RNF31: variants seen among roughly 807,000 people sequenced by gnomAD.
RNF31 encodes ring finger protein 31, also known as E3 ubiquitin-protein ligase RNF31.
RNF31 carries 38 observed loss-of-function variants against 133.6 expected under a neutral mutation model. The ratio of observed to expected loss-of-function variants is 0.28; its 90% confidence interval spans 0.22 to 0.37. The LOEUF (loss-of-function observed/expected upper bound fraction) is 0.37, where lower values mean the gene tolerates loss of function less well. Ranked by LOEUF, RNF31 falls within the 10% of genes least tolerant of loss-of-function variation. RNF31 has a pLI of 1.00. For synonymous variants in RNF31, 582 were observed against 552.3 expected (o/e 1.05, Z -0.75); for missense variants, 1,118 against 1,394.1 (o/e 0.80, Z 3.15).
At chr14:24,156,586 C>T (rs561233500) in intron 14 of RNF31, among the ~76,000 whole-genome samples, 158 of 152,216 alleles carry the variant, frequency 1.0e-3, no homozygotes, top group Non-Finnish European at 1.9e-3. Flanking sequence ...TCAAGACCAG[C>T]CTCCCAATAT....
intron 14 of RNF31, among the ~76,000 whole-genome samples, chr14:24,156,339 C>T (rs1050076691): frequency 6.6e-5 from 10 of 152,300 alleles, no homozygotes; most frequent in Middle Eastern, 3.4e-3. Flanking sequence ...AGACAACTCA[C>T]TGTCACCCAG....
At chr14:24,157,116 G>A (rs1314669207) in intron 14 of RNF31, among the ~76,000 whole-genome samples, 174 bp from the exon 15 acceptor site, 1 of 152,208 alleles carries the variant, frequency 6.6e-6, no homozygotes, top group Non-Finnish European at 1.5e-5. Context: ...GTGTGAGGTG[G>A]TAGGAGAAAA....
chr14:24,157,714 A>C, intron 16 of RNF31, 76 bp downstream of exon 16: 1 of 1,330,086 alleles, frequency 7.5e-7, no homozygotes, highest in Non-Finnish European at 1.1e-6. Flanking sequence ...GCTATTGAGG[A>C]GTGGCCCCGG....
In RNF31 at chr14:24,147,807, C is replaced by T. The variant is rs1594372910; in HGVS notation, c.109C>T (p.Leu37=). ...QAFSLEQLRP[L]LASSLPLAAR... The stretch of plus-strand genomic sequence containing the variant: ...GTTTTCCCTGGAGCAGCTCCGGCCG[C>T]TACTAGCCAGCTCTCTGCCGCTAGC... The change falls in exon 1 of 21, where the codon CTA becomes TTA. Residue 37 remains leucine, a synonymous_variant. Transcript: ENST00000324103. 2.5e-6 allele frequency: 4 copies of T among 1,602,210 alleles called. No individual in the cohort carries two copies. Among genetic ancestry groups the T allele is most frequent in the Middle Eastern group, 1.7e-4 (1 of 5,988 alleles).
Position 24,151,327 on chromosome 14 carries a change from A to G in RNF31, c.1685A>G (p.His562Arg). 6.2e-7 allele frequency: 1 copy of G among 1,614,212 alleles called. No homozygotes were observed. Among genetic ancestry groups the G allele is most frequent in the Non-Finnish European group, 8.5e-7 (1 of 1,180,036 alleles). The change falls in exon 9 of 21, where the codon CAT becomes CGT. Residue 562 changes from histidine to arginine, a missense_variant. His to Arg is a conservative substitution (Grantham distance 29, BLOSUM62 0). Around this residue, in one of 3 missense-constraint regions of RNF31, gnomAD observed 747 missense variants for 827.9 expected, o/e 0.90. Transcript: ENST00000324103. The surrounding 1 kb of genome is among the most constrained non-coding windows in gnomAD (Gnocchi z 5.3). ...QEARRAWLDR[H>R]GNLDEAVEEC... ...GCCCGGAGAGCCTGGCTGGATCGTC[A>G]TGGCAACCTTGATGAAGCTGTGGAG... is the stretch of plus-strand genomic sequence containing the variant.
At chr14:24,147,424 C>G, upstream of RNF31, 1 of 329,370 alleles carries the variant, frequency 3.0e-6, no homozygotes. Context: ...CCCCTGGTTT[C>G]CTGACACCGC....
In RNF31 at chr14:24,155,368, T is replaced by C. The variant is rs774681921; in HGVS notation, c.2304+38T>C. ...CTCTAGGACTCAGGTACCCTGAGCTTTGAACAGGGACCCTCCCACCCACCA... is the reference window on the plus strand; with the variant it reads ...CTCTAGGACTCAGGTACCCTGAGCTCTGAACAGGGACCCTCCCACCCACCA... On this transcript the variant is annotated intron_variant, in intron 12 of 20. Transcript: ENST00000324103. This position sits in a 1 kb window ranked among gnomAD's most constrained non-coding sequence, Gnocchi z 4.9. 2 of 1,613,984 alleles carry C rather than the reference T, an allele frequency of 1.2e-6. No homozygotes were observed. Among genetic ancestry groups the C allele is most frequent in the Admixed American group, 1.7e-5 (1 of 60,022 alleles).
At chr14:24,154,234 T>C (rs565437850) in intron 11 of RNF31, among the ~76,000 whole-genome samples, 6 of 152,268 alleles carry the variant, frequency 3.9e-5, no homozygotes, top group African/African-American at 1.4e-4. Context: ...CTCGGCTCAC[T>C]GCAGCCTCCG....
Position 24,149,523 on chromosome 14 carries a change from G to C in RNF31, c.749G>C (p.Arg250Pro). The change falls in exon 6 of 21, where the codon CGT becomes CCT. Residue 250 changes from arginine to proline, a missense_variant. Arg to Pro is a moderately radical substitution (Grantham distance 103). Transcript: ENST00000324103. ...CACCTGTTCCATGGACACCCATCCC[G>C]TGCTCATCACCTCCGCCAGACCCTG... ...CDHLFHGHPS[R>P]AHHLRQTLPG... is the part of the protein sequence containing the mutation. The C allele has an allele frequency of 6.2e-7, 1 of 1,613,978 alleles. No individual in the cohort carries two copies. Among genetic ancestry groups the C allele is most frequent in the Non-Finnish European group, 8.5e-7 (1 of 1,179,990 alleles).
Position 24,155,186 on chromosome 14 carries a change from C to T in RNF31, c.2160C>T (p.Thr720=). The change falls in exon 12 of 21, where the codon ACC becomes ACT. Residue 720 remains threonine, a synonymous_variant. Transcript: ENST00000324103. This position sits in a 1 kb window ranked among gnomAD's most constrained non-coding sequence, Gnocchi z 4.9. ...AGGCCCTGACTTCCTGTGAGTGCACCATCTGTCCTGACTGCTTCCGCCAGC... is the reference window on the plus strand; with the variant it reads ...AGGCCCTGACTTCCTGTGAGTGCACTATCTGTCCTGACTGCTTCCGCCAGC... ...RMQALTSCEC[T]ICPDCFRQHF... 1 of 1,614,116 alleles carries T rather than the reference C, an allele frequency of 6.2e-7. No individual in the cohort carries two copies.
chr14:24,152,009 G>A lies in RNF31; in HGVS notation c.2130+17G>A, dbSNP rs74398461. 16,776 of 1,610,724 alleles carry A rather than the reference G, an allele frequency of 0.01. 1,396 individuals carry two copies. The African/African-American group carries it at 0.19, about 18-fold the overall frequency. On this transcript the variant is annotated intron_variant, in intron 11 of 20. Transcript: ENST00000324103. ...CACAACCGGGTAAGTCCCTCCCCACGATACCTGGTCCAAGAATTACTCTAT... is the reference window on the plus strand; with the variant it reads ...CACAACCGGGTAAGTCCCTCCCCACAATACCTGGTCCAAGAATTACTCTAT...
At chr14:24,158,889 C>T (rs34215274) in intron 18 of RNF31, among the ~76,000 whole-genome samples, 8,734 of 151,408 alleles carry the variant, frequency 0.058, 678 homozygotes, top group Admixed American at 0.21. Flanking sequence ...AAAAATTAGC[C>T]GGGCGTGGTG....
rs750364681 is a variant in RNF31, at chr14:24,151,231, A to T, written c.1589A>T (p.Tyr530Phe). 6.2e-7 allele frequency: 1 copy of T among 1,613,986 alleles called. No individual in the cohort carries two copies. The highest frequency in any genetic ancestry group is 8.5e-7 in the Non-Finnish European group (1 of 1,180,034). Residue 530 changes from tyrosine to phenylalanine, a missense_variant, in exon 9 of 21, where the codon TAC (tyrosine) becomes TTC (phenylalanine). Physicochemically the swap from Tyr to Phe is conservative, Grantham distance 22. This residue lies in a region of RNF31 where 747 missense variants were observed against 827.9 expected (regional missense o/e 0.90). Transcript: ENST00000324103. The surrounding 1 kb of genome is among the most constrained non-coding windows in gnomAD (Gnocchi z 5.3). ...CAGTGGTTGCGCTCAGAACTGCCCT[A>T]CGTCCTGGAGATGGTGGCTGAGCTG... is the stretch of plus-strand genomic sequence containing the variant. ...PLQWLRSELP[Y>F]VLEMVAELAG...
Position 24,151,143 on chromosome 14 carries a change from G to A in RNF31, c.1501G>A (p.Ala501Thr), listed in dbSNP as rs370934256. The A allele has an allele frequency of 1.6e-5, 26 of 1,613,712 alleles. No individual in the cohort carries two copies. Among genetic ancestry groups the A allele is most frequent in the Non-Finnish European group, 1.9e-5 (23 of 1,179,924 alleles). ...GACTGTGCCTTAGGAAGGGGAAGCC[G>A]CAGGTGCCTGTCCAGAGGAGATCTT... ...LVSMIREGEA[A>T]GACPEEIFSA... is the part of the protein sequence containing the mutation. The change falls in exon 9 of 21, where the codon GCA becomes ACA. Residue 501 changes from alanine (A) to threonine (T), a missense_variant. Transcript: ENST00000324103. The surrounding 1 kb of genome is among the most constrained non-coding windows in gnomAD (Gnocchi z 5.3).
chr14:24,155,760 G>GA lies in RNF31; in HGVS notation c.2493+69dup. 1 of 1,431,522 alleles carries GA rather than the reference G, an allele frequency of 7.0e-7. No individual in the cohort carries two copies. The highest frequency in any genetic ancestry group is 9.8e-7 in the Non-Finnish European group (1 of 1,019,524). The allele number at this position is 1,431,522 out of a possible 1,614,324, so 88.7% of individuals were successfully genotyped here. A position where few individuals can be genotyped will look rare whatever the true frequency, so the allele number is the denominator to read the frequency against. ...GCCAGGTACTGTGTTAGACTCAGGG[G>GA]AGTTTGTGTACTGGAGAGCAAAACA... On this transcript the variant is annotated intron_variant, in intron 14 of 20. Coordinates refer to ENST00000324103, the MANE Select transcript of RNF31 (RefSeq NM_017999.5). This position sits in a 1 kb window ranked among gnomAD's most constrained non-coding sequence, Gnocchi z 4.9.
Position 24,151,734 on chromosome 14 carries a change from G to A in RNF31, c.1924-52G>A, listed in dbSNP as rs2038269870. On this transcript the variant is annotated intron_variant, in intron 10 of 20. Coordinates refer to ENST00000324103, the MANE Select transcript of RNF31 (RefSeq NM_017999.5). This position sits in a 1 kb window ranked among gnomAD's most constrained non-coding sequence, Gnocchi z 5.3. ...AGGAGCAAGAGGGAGCTGAGGGGAA[G>A]GGTCCCTGGAGTCTGACAGCACTTC... is the stretch of plus-strand genomic sequence containing the variant. The A allele has an allele frequency of 6.2e-7, 1 of 1,600,522 alleles. No individual in the cohort carries two copies. The highest frequency in any genetic ancestry group is 1.7e-5 in the Admixed American group (1 of 59,484).
chr14:24,156,765 C>T (rs1488653530), intron 14 of RNF31, among the ~76,000 whole-genome samples: 1 of 149,638 alleles, frequency 6.7e-6, no homozygotes, highest in African/African-American at 2.5e-5. Context: ...GGTGACAGAG[C>T]GAGACTCCAT....
At position 24,150,952 on chromosome 14, in the gene RNF31, G is replaced by C; in HGVS notation, c.1488+64G>C. 3.3e-6 allele frequency: 5 copies of C among 1,523,632 alleles called. No homozygotes were observed. The South Asian group carries it at 5.1e-5, about 16-fold the overall frequency. The allele number at this position is 1,523,632 out of a possible 1,614,324, so 94.4% of individuals were successfully genotyped here. A position where few individuals can be genotyped will look rare whatever the true frequency, so the allele number is the denominator to read the frequency against. Reference sequence around the variant, plus strand: ...TCTGGGAAAGGAGATGCTGCAGGTGGTTAATAGTTTCTATGAATCTTGTTA... The same window carrying C: ...TCTGGGAAAGGAGATGCTGCAGGTGCTTAATAGTTTCTATGAATCTTGTTA... On this transcript the variant is annotated intron_variant, in intron 8 of 20. Coordinates refer to ENST00000324103, the MANE Select transcript of RNF31 (RefSeq NM_017999.5).
intron 11 of RNF31, among the ~76,000 whole-genome samples, chr14:24,153,578 A>G (rs1400197344): frequency 6.6e-6 from 1 of 151,038 alleles, no homozygotes; most frequent in Non-Finnish European, 1.5e-5. Context: ...TTCCGTCTCA[A>G]AAAAAAAACT....
Sources: gnomAD v4.1 joint callset for allele counts (sites outside exome capture counted in the v4.1 genomes callset) on GRCh38, gnomAD v4.1.1 for gene constraint, gnomAD v4.1.1 regional missense constraint, Gnocchi (gnomAD v3.1) non-coding constraint, MANE v1.5 for transcripts, NCBI Gene and HGNC (gene_info 2026-07-23, HGNC 2026-07-21) for gene names.